Variants in GTF3C1 observed in about 807,000 individuals in gnomAD.
The protein encoded by GTF3C1 is general transcription factor IIIC subunit 1.
In GTF3C1, 57 loss-of-function variants were observed where a neutral mutation model predicts 226.7. The observed-to-expected ratio is 0.25, with a 90% CI of 0.20 to 0.31. GTF3C1 has a LOEUF of 0.31. Ranked by LOEUF, GTF3C1 falls within the 10% of genes least tolerant of loss-of-function variation. The probability of loss-of-function intolerance (pLI) is 1.00; values close to 1 mark genes in which losing one functional copy is unlikely to be tolerated. For synonymous variants in GTF3C1, 1,090 were observed against 1,084.8 expected (o/e 1.00, Z -0.09); for missense variants, 2,217 against 2,776.1 (o/e 0.80, Z 4.53).
intron 5 of GTF3C1, among the ~76,000 whole-genome samples, chr16:27,529,251 T>C (rs1314056535): frequency 6.6e-6 from 1 of 152,136 alleles, no homozygotes; most frequent in Non-Finnish European, 1.5e-5. Flanking sequence ...TGGACCAGCC[T>C]GGCCAACATG....
intron 26 of GTF3C1, chr16:27,482,724 C>T: frequency 2.3e-6 from 1 of 441,790 alleles, no homozygotes; most frequent in African/African-American, 2.0e-5. Flanking sequence ...GGAAAGAAAA[C>T]CCACACCCAG....
intron 2 of GTF3C1, among the ~76,000 whole-genome samples, chr16:27,538,969 TATACACACACAC>T (rs1469177165): frequency 6.2e-5 from 8 of 128,876 alleles, no homozygotes; most frequent in Non-Finnish European, 1.3e-4. Flanking sequence ...TATACACACA[TATACACACACAC>T]ACACACACAC....
chr16:27,481,007 T>C, intron 27 of GTF3C1, 72 bp downstream of exon 27: 1 of 1,275,724 alleles, frequency 7.8e-7, no homozygotes. Flanking sequence ...GACCTGCTGA[T>C]AAGGGAGACA....
rs544872616 is a variant in GTF3C1, at chr16:27,494,668, G to C, written c.2778+95C>G. The C allele has an allele frequency of 7.2e-6, 6 of 833,632 alleles. No individual in the cohort carries two copies. In the East Asian group the frequency reaches 1.2e-4, roughly 17 times the overall value. The allele number at this position is 833,632 out of a possible 1,614,324, so 51.6% of individuals were successfully genotyped here. A position where few individuals can be genotyped will look rare whatever the true frequency, so the allele number is the denominator to read the frequency against. On this transcript the variant is annotated intron_variant, in intron 16 of 36. Coordinates refer to ENST00000356183, the MANE Select transcript of GTF3C1 (RefSeq NM_001520.4). ...CAATCCATTCATCTGGGCAACACCGGGTCTTCAAGTATCCTCCCTTGCCCA... is the reference window on the plus strand; with the variant it reads ...CAATCCATTCATCTGGGCAACACCGCGTCTTCAAGTATCCTCCCTTGCCCA...
At chr16:27,502,151 C>T (rs930575236) in intron 11 of GTF3C1, among the ~76,000 whole-genome samples, 1 of 151,388 alleles carries the variant, frequency 6.6e-6, no homozygotes, top group African/African-American at 2.4e-5. Flanking sequence ...TTAGGAGCAC[C>T]TAGCTCAACC....
intron 5 of GTF3C1, 80 bp downstream of exon 5, chr16:27,533,211 C>G (rs575224451): frequency 1.4e-6 from 1 of 702,692 alleles, no homozygotes; most frequent in East Asian, 2.5e-5. Flanking sequence ...GGTTGCAATT[C>G]ATTCCTCTAT....
chr16:27,498,840 C>T lies in GTF3C1; in HGVS notation c.2062-107G>A, dbSNP rs986911746. 2.4e-5 allele frequency: 17 copies of T among 721,874 alleles called. No homozygotes were observed. In the Admixed American group the frequency reaches 3.2e-4, roughly 14 times the overall value. The allele number at this position is 721,874 out of a possible 1,614,324, so 44.7% of individuals were successfully genotyped here. ...CCTCAGTCATACCTGTTTTCATTAA[C>T]ATTTCCAAAACACGATTAGGAGATC... is the stretch of plus-strand genomic sequence containing the variant. On this transcript the variant is annotated intron_variant, in intron 12 of 36. Coordinates refer to ENST00000356183, the MANE Select transcript of GTF3C1 (RefSeq NM_001520.4).
At position 27,465,575 on chromosome 16, in the gene GTF3C1, G is replaced by C. The variant is rs576901340; in HGVS notation, c.5075-35C>G. On this transcript the variant is annotated intron_variant, in intron 32 of 36. Coordinates refer to ENST00000356183, the MANE Select transcript of GTF3C1 (RefSeq NM_001520.4). ...CACAGAGGAAGATCAGAGGCAGCCC[G>C]ACAGAGGCCCCCCTCCCCTGACCAA... The C allele has an allele frequency of 4.5e-6, 7 of 1,545,152 alleles. No individual in the cohort carries two copies. In the South Asian group the frequency reaches 5.8e-5, roughly 13 times the overall value.
intron 6 of GTF3C1, among the ~76,000 whole-genome samples, chr16:27,516,977 C>G (rs1330768786): frequency 2.0e-5 from 3 of 152,102 alleles, no homozygotes; most frequent in Non-Finnish European, 2.9e-5. Context: ...GAGAGGCAGC[C>G]CAGCACTGTG....
chr16:27,521,464 C>T (rs536502896), intron 6 of GTF3C1, among the ~76,000 whole-genome samples: 9 of 152,354 alleles, frequency 5.9e-5, no homozygotes, highest in East Asian at 1.9e-4. Flanking sequence ...CACATTTCCC[C>T]GCTGAGGGAG....
Position 27,463,484 on chromosome 16 carries a change from A to T in GTF3C1, c.5924+57T>A, listed in dbSNP as rs1325801528. 7.4e-6 allele frequency: 7 copies of T among 949,914 alleles called. No homozygotes were observed. The highest frequency in any genetic ancestry group is 1.2e-5 in the Non-Finnish European group (7 of 579,962). The allele number at this position is 949,914 out of a possible 1,614,324, so 58.8% of individuals were successfully genotyped here. A position where few individuals can be genotyped will look rare whatever the true frequency, so the allele number is the denominator to read the frequency against. ...CAAAGACCCTCACACAAATCCTTAC[A>T]CTCGGTCCCTGTCAAGAGCCCCGCC... On this transcript the variant is annotated intron_variant, in intron 35 of 36. Transcript: ENST00000356183. The surrounding 1 kb of genome is among the most constrained non-coding windows in gnomAD (Gnocchi z 4.9).
At chr16:27,496,508 G>T (rs1320710132) in intron 14 of GTF3C1, among the ~76,000 whole-genome samples, 1 of 152,172 alleles carries the variant, frequency 6.6e-6, no homozygotes, top group African/African-American at 2.4e-5. Context: ...CACCTCCCTG[G>T]TTCAAGCAAT....
chr16:27,478,578 C>T, intron 27 of GTF3C1, 47 bp from the exon 28 acceptor site: 1 of 1,328,024 alleles, frequency 7.5e-7, no homozygotes, highest in Non-Finnish European at 1.1e-6. Context: ...AACAGCTCCT[C>T]ACTAAGCAAG....
chr16:27,485,836 T>C (rs976454212), intron 24 of GTF3C1, among the ~76,000 whole-genome samples, 161 bp downstream of exon 24: 2 of 152,102 alleles, frequency 1.3e-5, no homozygotes, highest in African/African-American at 4.8e-5. Flanking sequence ...GCTCCATCTT[T>C]CTAAAAAAGA....
chr16:27,469,026 C>T lies in GTF3C1; in HGVS notation c.5074+265G>A, dbSNP rs979619973. ...GCTCTGCTCTTCCTTGTGAGCCCAC[C>T]TGAGTGACTGCTGGTGCCTGCAGCA... On this transcript the variant is annotated intron_variant, in intron 32 of 36. Coordinates refer to ENST00000356183, the MANE Select transcript of GTF3C1 (RefSeq NM_001520.4). The surrounding 1 kb of genome is among the most constrained non-coding windows in gnomAD (Gnocchi z 4.5). 6.6e-6 allele frequency among the ~76,000 whole-genome samples: 1 copy of T among 152,212 alleles called. No individual in the cohort carries two copies. The highest frequency in any genetic ancestry group is 6.5e-5 in the Admixed American group (1 of 15,286).
chr16:27,528,852 C>A, intron 5 of GTF3C1, 131 bp from the exon 6 acceptor site: 1 of 897,638 alleles, frequency 1.1e-6, no homozygotes, highest in Non-Finnish European at 1.8e-6. Context: ...TGAGGAAAGC[C>A]TGCCAAGCTA....
chr16:27,481,255 T>C, intron 26 of GTF3C1, 64 bp from the exon 27 acceptor site: 3 of 1,373,426 alleles, frequency 2.2e-6, no homozygotes, highest in Non-Finnish European at 3.1e-6. Context: ...TTTGCTAAGA[T>C]GCACCAAGGA....
intron 11 of GTF3C1, 103 bp from the exon 12 acceptor site, chr16:27,501,447 A>T: frequency 9.7e-7 from 1 of 1,031,962 alleles, no homozygotes; most frequent in South Asian, 1.4e-5. Flanking sequence ...AATAGAAACA[A>T]GGAAGGATCA....
In GTF3C1 at chr16:27,462,539, G is replaced by C. The variant is rs12932325; in HGVS notation, c.5925-53C>G. ...CTTGGTGGGGGCAGGAGGGCAGCTC[G>C]TCCAGACAGAACACTGAGGCTCAGG... On this transcript the variant is annotated intron_variant, in intron 35 of 36. Coordinates refer to ENST00000356183, the MANE Select transcript of GTF3C1 (RefSeq NM_001520.4). The surrounding 1 kb of genome is among the most constrained non-coding windows in gnomAD (Gnocchi z 4.5). 1 of 1,411,058 alleles carries C rather than the reference G, an allele frequency of 7.1e-7. No individual in the cohort carries two copies. The highest frequency in any genetic ancestry group is 1.4e-5 in the African/African-American group (1 of 71,254). 87.4% of individuals were successfully genotyped at this position (1,411,058 alleles called of 1,614,324 possible).
Sources: gnomAD v4.1 joint callset for allele counts (sites outside exome capture counted in the v4.1 genomes callset) on GRCh38, gnomAD v4.1.1 for gene constraint, Gnocchi (gnomAD v3.1) non-coding constraint, MANE v1.5 for transcripts, NCBI Gene and HGNC (gene_info 2026-07-23, HGNC 2026-07-21) for gene names.